The following ZNF519 variants were observed in gnomAD, a reference collection of about 807,000 sequenced individuals.
ZNF519 encodes the protein similar to Zinc finger protein 85 (Zinc finger protein HPF4) (HTF1).
Under a neutral mutation model 7.4 loss-of-function variants are expected in ZNF519, and 7 were observed. The ratio of observed to expected loss-of-function variants is 0.94; its 90% confidence interval spans 0.54 to 1.77. The LOEUF (loss-of-function observed/expected upper bound fraction) is 1.77. ZNF519 is among the 40% of genes most tolerant of loss of function. The pLI is 0.00. For missense variants in ZNF519, 586 were observed against 623.1 expected (o/e 0.94, Z 0.63); for synonymous variants, 179 against 203.3 (o/e 0.88, Z 1.02).
chr18:14,116,283 T>G (rs147299581), intron 2 of ZNF519, among the ~76,000 whole-genome samples: 134 of 152,234 alleles, frequency 8.8e-4, no homozygotes, highest in African/African-American at 3.2e-3. Context: ...TCAATGAAAA[T>G]CCAAAAGATA....
chr18:14,109,881 T>C (rs955197282), intron 2 of ZNF519, among the ~76,000 whole-genome samples: 1 of 151,964 alleles, frequency 6.6e-6, no homozygotes, highest in African/African-American at 2.4e-5. Flanking sequence ...AAAGTAATAC[T>C]AACCAAAACA....
At chr18:14,098,799 A>G (rs1194045102), downstream of ZNF519, among the ~76,000 whole-genome samples, 1 of 152,180 alleles carries the variant, frequency 6.6e-6, no homozygotes, top group Non-Finnish European at 1.5e-5. Context: ...ACATTTGTTA[A>G]TATCTTGAGT....
At chr18:14,074,688 T>G (rs1160856172), downstream of ZNF519, 1 of 152,236 alleles carries the variant, frequency 6.6e-6, no homozygotes, top group Non-Finnish European at 1.5e-5. Flanking sequence ...GAGACCACCT[T>G]AGCCTGGACT....
At chr18:14,080,661 T>A (rs1490541395) in intron 3 of ZNF519, among the ~76,000 whole-genome samples, 1 of 152,108 alleles carries the variant, frequency 6.6e-6, no homozygotes, top group Non-Finnish European at 1.5e-5. Context: ...ACTATTTGAT[T>A]CAGTAATTAG....
chr18:14,114,629 GAGC>G (rs1321491405), intron 2 of ZNF519, among the ~76,000 whole-genome samples: 1 of 152,158 alleles, frequency 6.6e-6, no homozygotes, highest in Middle Eastern at 3.2e-3. Flanking sequence ...TGGAGGGAGA[GAGC>G]AGAATTGTTA....
At chr18:14,077,829 C>T (rs1380744217) in intron 4 of ZNF519, among the ~76,000 whole-genome samples, 1 of 152,128 alleles carries the variant, frequency 6.6e-6, no homozygotes, top group Non-Finnish European at 1.5e-5. Context: ...TCCCCAAATT[C>T]CTGAGCCAAA....
At chr18:14,128,699 A>ACACACACACACG (rs1290993118) in intron 1 of ZNF519, among the ~76,000 whole-genome samples, 2 of 78,128 alleles carry the variant, frequency 2.6e-5, no homozygotes, top group African/African-American at 6.9e-5. Flanking sequence ...AAACACACAC[A>ACACACACACACG]CACACACACA....
intron 3 of ZNF519, among the ~76,000 whole-genome samples, chr18:14,081,975 A>T: frequency 6.6e-6 from 1 of 152,078 alleles, no homozygotes; most frequent in East Asian, 1.9e-4. Flanking sequence ...TAGGTTATTT[A>T]AAAACTATGA....
At chr18:14,071,359 GATATAC>G (rs2046027493), downstream of ZNF519, 1 of 152,040 alleles carries the variant, frequency 6.6e-6, no homozygotes, top group Admixed American at 6.5e-5. Context: ...TACTTCTATA[GATATAC>G]ATGCATATAC....
chr18:14,092,281 G>C (rs557005875), intron 2 of ZNF519, among the ~76,000 whole-genome samples: 1 of 152,248 alleles, frequency 6.6e-6, no homozygotes, highest in Admixed American at 6.5e-5. Context: ...CTGTGTGAAG[G>C]GGGTGTCCTT....
chr18:14,082,017 C>G (rs750099589), intron 3 of ZNF519: 5 of 151,882 alleles, frequency 3.3e-5, no homozygotes, highest in Non-Finnish European at 7.4e-5. Context: ...AACACTGTAA[C>G]TTTAGTCCAC....
intron 1 of ZNF519, among the ~76,000 whole-genome samples, chr18:14,128,118 T>C (rs1289624620): frequency 6.6e-6 from 1 of 150,864 alleles, no homozygotes; most frequent in Non-Finnish European, 1.5e-5. Flanking sequence ...TGAAACCCCG[T>C]CTCTACTAAA....
downstream of ZNF519, chr18:14,071,286 A>G (rs1045023489): frequency 6.6e-6 from 1 of 152,100 alleles, no homozygotes; most frequent in Admixed American, 6.6e-5. Context: ...TGTACAAAAT[A>G]CTTTCTAAAA....
downstream of ZNF519, among the ~76,000 whole-genome samples, chr18:14,098,719 G>C (rs551110137): frequency 4.4e-4 from 67 of 152,118 alleles, no homozygotes; most frequent in Non-Finnish European, 7.9e-4. Context: ...GATTTTCCTG[G>C]TTCACAAGGT....
chr18:14,087,714 G>A (rs1408863479), intron 2 of ZNF519, among the ~76,000 whole-genome samples: 1 of 152,126 alleles, frequency 6.6e-6, no homozygotes, highest in Non-Finnish European at 1.5e-5. Flanking sequence ...TGTTTAAATC[G>A]TATCATTTAT....
intron 3 of ZNF519, among the ~76,000 whole-genome samples, chr18:14,079,560 T>C (rs191851391): frequency 2.0e-5 from 3 of 152,268 alleles, no homozygotes; most frequent in South Asian, 2.1e-4. Flanking sequence ...GATGAAATAA[T>C]AGACAAATCA....
In ZNF519 at chr18:14,105,558, C is replaced by A; in HGVS notation, c.982G>T (p.Ala328Ser). Residue 328 changes from alanine to serine, a missense_variant, in exon 3 of 3, where the codon GCT (alanine) becomes TCT (serine). Physicochemically the swap from Ala to Ser is moderately conservative, Grantham distance 99. Coordinates refer to ENST00000590202, the MANE Select transcript of ZNF519 (RefSeq NM_145287.4). The part of the protein sequence containing the change: ...KPFKCKECGK[A>S]FNRGSYLTQH... ...GTAAGGTATGAGCCTCTGTTAAAAG[C>A]TTTGCCACATTCCTTACACTTGAAA... 6.2e-7 allele frequency: 1 copy of A among 1,614,094 alleles called. No individual in the cohort carries two copies. The highest frequency in any genetic ancestry group is 2.2e-5 in the East Asian group (1 of 44,866).
chr18:14,076,344 C>G (rs547048571), exon 5 of ZNF519: 1 of 152,138 alleles, frequency 6.6e-6, no homozygotes, highest in East Asian at 1.9e-4. Context: ...AATGAAGATG[C>G]CTTAATTCCA....
At chr18:14,091,121 T>G (rs2046112797) in intron 2 of ZNF519, 1 of 152,168 alleles carries the variant, frequency 6.6e-6, no homozygotes, top group African/African-American at 2.4e-5. Flanking sequence ...GCTTAATATA[T>G]TTATTTGGGG....
Sources: gnomAD v4.1 joint callset for allele counts (sites outside exome capture counted in the v4.1 genomes callset) on GRCh38, gnomAD v4.1.1 for gene constraint, MANE v1.5 for transcripts, NCBI Gene and HGNC (gene_info 2026-07-23, HGNC 2026-07-21) for gene names.